The following MVB12B variants were observed in gnomAD, a reference collection of about 807,000 sequenced individuals.
MVB12B encodes the protein ESCRT-I complex subunit MVB12B.
Under a neutral mutation model 41.6 loss-of-function variants are expected in MVB12B, and 16 were observed. That is an observed-to-expected ratio of 0.38 (90% CI 0.26 to 0.58). The LOEUF (loss-of-function observed/expected upper bound fraction) is 0.58. Among genes scored for constraint, MVB12B ranks in the 20% least tolerant of loss-of-function variants. MVB12B has a pLI of 0.62. For missense variants in MVB12B, 274 were observed against 380.2 expected (o/e 0.72, Z 2.32); for synonymous variants, 133 against 139.7 (o/e 0.95, Z 0.34).
At chr9:126,453,266 A>G (rs892042792) in intron 7 of MVB12B, among the ~76,000 whole-genome samples, 21 of 151,418 alleles carry the variant, frequency 1.4e-4, no homozygotes, top group Non-Finnish European at 2.7e-4. Context: ...CACCCACCCC[A>G]GTGCATTGTC....
rs549654292 is a variant in MVB12B at position 126,502,093 on chromosome 9, C to T, written c.874-1084C>T. Among the ~76,000 whole-genome samples, 7 of 152,324 alleles carry T rather than the reference C, an allele frequency of 4.6e-5. No individual in the cohort carries two copies. The East Asian group carries it at 9.6e-4, about 21-fold the overall frequency. On this transcript the variant is annotated intron_variant, in intron 9 of 9. Coordinates refer to ENST00000361171, the MANE Select transcript of MVB12B (RefSeq NM_033446.3). The stretch of plus-strand genomic sequence containing the variant: ...GGGAGCCCTTCTTATGACAATTCTA[C>T]TGCTAAAACTTTTCAAATAAATACT...
intron 6 of MVB12B, among the ~76,000 whole-genome samples, chr9:126,397,871 G>T (rs1054663152): frequency 5.9e-5 from 9 of 152,124 alleles, no homozygotes; most frequent in Non-Finnish European, 1.3e-4. Context: ...TCCAGAGGAG[G>T]AATCTGATCA....
Position 126,340,872 on chromosome 9 carries a change from A to G in MVB12B, c.204+242A>G, listed in dbSNP as rs1003187325. 6.6e-6 allele frequency among the ~76,000 whole-genome samples: 1 copy of G among 152,174 alleles called. No individual in the cohort carries two copies. Among genetic ancestry groups the G allele is most frequent in the Non-Finnish European group, 1.5e-5 (1 of 68,030 alleles). On this transcript the variant is annotated intron_variant, in intron 2 of 9. Coordinates refer to ENST00000361171, the MANE Select transcript of MVB12B (RefSeq NM_033446.3). This position sits in a 1 kb window ranked among gnomAD's most constrained non-coding sequence, Gnocchi z 4.0. ...TCACCTTCTGTAAAATTAAGGAGTT[A>G]GATTCATTGATTTTCAACTTCTGGT...
At chr9:126,405,090 A>T (rs1831381969) in intron 6 of MVB12B, among the ~76,000 whole-genome samples, 1 of 152,232 alleles carries the variant, frequency 6.6e-6, no homozygotes, top group Admixed American at 6.5e-5. Flanking sequence ...ACGATTCGTC[A>T]GTTCAGCTCC....
intron 9 of MVB12B, among the ~76,000 whole-genome samples, chr9:126,496,544 G>T (rs906441141): frequency 2.0e-5 from 3 of 148,294 alleles, no homozygotes; most frequent in African/African-American, 7.5e-5. Context: ...CTCCACAGCT[G>T]CCCTGAGCAT....
intron 7 of MVB12B, among the ~76,000 whole-genome samples, chr9:126,448,775 G>C (rs956674470): frequency 2.5e-4 from 38 of 152,160 alleles, no homozygotes; most frequent in African/African-American, 9.2e-4. Flanking sequence ...AGGGGATGGT[G>C]CTGAACCATT....
intron 9 of MVB12B, among the ~76,000 whole-genome samples, chr9:126,493,947 G>A (rs376256992): frequency 1.2e-3 from 186 of 152,260 alleles, no homozygotes; most frequent in Non-Finnish European, 1.8e-3. Flanking sequence ...TGGCAAGGTC[G>A]TTCCTCTTCC....
At chr9:126,422,613 G>A (rs80206758) in intron 7 of MVB12B, among the ~76,000 whole-genome samples, 3,158 of 152,278 alleles carry the variant, frequency 0.021, 72 homozygotes, top group Non-Finnish European at 0.028. Flanking sequence ...ATCCTGGGCC[G>A]CCAGTGAGGG....
chr9:126,355,965 T>G (rs753436904), intron 2 of MVB12B, among the ~76,000 whole-genome samples: 2 of 152,224 alleles, frequency 1.3e-5, no homozygotes, highest in Non-Finnish European at 2.9e-5. Flanking sequence ...TGCCTTCCTC[T>G]GGCAACCACC....
At position 126,386,747 on chromosome 9, in the gene MVB12B, C is replaced by A; in HGVS notation, c.409+89C>A. 3.1e-6 allele frequency: 3 copies of A among 971,404 alleles called. No individual in the cohort carries two copies. The highest frequency in any genetic ancestry group is 3.2e-6 in the Non-Finnish European group (2 of 625,042). The allele number at this position is 971,404 out of a possible 1,614,324, so 60.2% of individuals were successfully genotyped here. A position where few individuals can be genotyped will look rare whatever the true frequency, so the allele number is the denominator to read the frequency against. On this transcript the variant is annotated intron_variant, in intron 4 of 9. Coordinates refer to ENST00000361171, the MANE Select transcript of MVB12B (RefSeq NM_033446.3). This position sits in a 1 kb window ranked among gnomAD's most constrained non-coding sequence, Gnocchi z 4.3. The stretch of plus-strand genomic sequence containing the variant: ...GTGTTTTTCTATGTGCATTTTTCTT[C>A]AGAAACACTTTTGGAGGCCTTACTA...
At chr9:126,452,681 T>G (rs1832907348) in intron 7 of MVB12B, among the ~76,000 whole-genome samples, 1 of 152,144 alleles carries the variant, frequency 6.6e-6, no homozygotes, top group Non-Finnish European at 1.5e-5. Flanking sequence ...ATTTCCCCCA[T>G]GCCTTTGATC....
In MVB12B at chr9:126,405,945, C is replaced by T. The variant is rs578040986; in HGVS notation, c.662+10248C>T. On this transcript the variant is annotated intron_variant, in intron 6 of 9. Transcript: ENST00000361171. ...TGTAAACGTTATATATATATGTACA[C>T]ACCTACACACACAGAGATAGATATA... Among the ~76,000 whole-genome samples, 65 of 151,054 alleles carry T rather than the reference C, an allele frequency of 4.3e-4. 1 individual carries two copies. In the South Asian group the frequency reaches 0.014, roughly 32 times the overall value.
intron 6 of MVB12B, among the ~76,000 whole-genome samples, chr9:126,399,982 C>T (rs1831224206): frequency 6.6e-6 from 1 of 152,208 alleles, no homozygotes; most frequent in Non-Finnish European, 1.5e-5. Context: ...AAACTGAGGC[C>T]TGGCTTAGCA....
intron 6 of MVB12B, among the ~76,000 whole-genome samples, chr9:126,410,482 G>A (rs1344818324): frequency 6.6e-6 from 1 of 152,116 alleles, no homozygotes; most frequent in Non-Finnish European, 1.5e-5. Flanking sequence ...TTCCCTTGCT[G>A]GGTTGTTTAC....
intron 7 of MVB12B, among the ~76,000 whole-genome samples, chr9:126,439,803 C>T (rs534103472): frequency 2.8e-4 from 43 of 152,322 alleles, no homozygotes; most frequent in African/African-American, 9.9e-4. Context: ...ATGCTTTCAT[C>T]AGTATAGCTT....
chr9:126,491,075 G>T (rs781457585), intron 9 of MVB12B, among the ~76,000 whole-genome samples: 1 of 152,176 alleles, frequency 6.6e-6, no homozygotes, highest in South Asian at 2.1e-4. Context: ...GTGTTTGTGC[G>T]TTGAAAAATG....
In MVB12B at chr9:126,480,363, A is replaced by T. The variant is rs1180005636; in HGVS notation, c.758-1006A>T. On this transcript the variant is annotated intron_variant, in intron 7 of 9. Transcript: ENST00000361171. The surrounding 1 kb of genome is among the most constrained non-coding windows in gnomAD (Gnocchi z 4.9). ...CGTTGGCTCTGTGAATGCCGGCATC[A>T]CGTCTCGTCCAGTGTGACCTGTTCC... 6.6e-6 allele frequency among the ~76,000 whole-genome samples: 1 copy of T among 152,206 alleles called. No individual in the cohort carries two copies. Among genetic ancestry groups the T allele is most frequent in the Non-Finnish European group, 1.5e-5 (1 of 68,036 alleles).
intron 2 of MVB12B, among the ~76,000 whole-genome samples, chr9:126,341,194 C>A (rs1235900957): frequency 6.6e-6 from 1 of 152,188 alleles, no homozygotes; most frequent in Non-Finnish European, 1.5e-5. Flanking sequence ...CCCTCCAAGT[C>A]CAGTGCTGTG....
intron 9 of MVB12B, among the ~76,000 whole-genome samples, chr9:126,495,208 TGAGA>T (rs1435719343): frequency 1.4e-4 from 14 of 97,278 alleles, no homozygotes; most frequent in East Asian, 5.5e-4. Context: ...AAAAAAAAAA[TGAGA>T]GAGAGAGAAA....
Sources: gnomAD v4.1 joint callset for allele counts (sites outside exome capture counted in the v4.1 genomes callset) on GRCh38, gnomAD v4.1.1 for gene constraint, Gnocchi (gnomAD v3.1) non-coding constraint, MANE v1.5 for transcripts, NCBI Gene and HGNC (gene_info 2026-07-23, HGNC 2026-07-21) for gene names.